Variants in MAGI2 observed in about 807,000 individuals in gnomAD.
The protein encoded by MAGI2 is membrane associated guanylate kinase, WW and PDZ domain containing 2.
A neutral mutation model predicts 133.3 loss-of-function variants in MAGI2; 35 were observed. That is an observed-to-expected ratio of 0.26 (90% CI 0.20 to 0.35). The LOEUF is 0.35. MAGI2 is among the 10% of genes least tolerant of loss of function. MAGI2 has a pLI of 1.00. For missense variants in MAGI2, 1,636 were observed against 1,863.4 expected (o/e 0.88, Z 2.25); for synonymous variants, 729 against 710.6 (o/e 1.03, Z -0.41).
chr7:78,710,150 G>C (rs958165193), intron 2 of MAGI2, among the ~76,000 whole-genome samples: 3 of 152,040 alleles, frequency 2.0e-5, no homozygotes, highest in African/African-American at 7.2e-5. Context: ...CACATACTAA[G>C]TACATATTAC....
At chr7:78,466,332 C>T (rs1158612194) in intron 6 of MAGI2, among the ~76,000 whole-genome samples, 1 of 152,166 alleles carries the variant, frequency 6.6e-6, no homozygotes, top group Non-Finnish European at 1.5e-5. Context: ...GTGTCCCATT[C>T]CACTTTGCAC....
At chr7:78,932,261 T>C (rs928607245) in intron 2 of MAGI2, among the ~76,000 whole-genome samples, 3 of 152,090 alleles carry the variant, frequency 2.0e-5, no homozygotes, top group Non-Finnish European at 4.4e-5. Context: ...GGTGTAAAGA[T>C]ATTGTTGATA....
At chr7:78,633,529 C>T (rs904879671) in intron 2 of MAGI2, among the ~76,000 whole-genome samples, 3 of 151,828 alleles carry the variant, frequency 2.0e-5, no homozygotes, top group African/African-American at 7.3e-5. Flanking sequence ...CACGGTGAAA[C>T]CCCGTCTCTA....
intron 20 of MAGI2, among the ~76,000 whole-genome samples, chr7:78,081,444 A>T (rs961412714): frequency 6.6e-6 from 1 of 152,226 alleles, no homozygotes; most frequent in African/African-American, 2.4e-5. Context: ...TGACAGAGGC[A>T]TTCACAAAGT....
At chr7:79,427,728 A>G (rs138329488) in intron 1 of MAGI2, among the ~76,000 whole-genome samples, 3 of 152,290 alleles carry the variant, frequency 2.0e-5, no homozygotes, top group African/African-American at 4.8e-5. Context: ...GTCAGGCTAA[A>G]TATTTAGAGG....
chr7:78,569,991 TAC>T (rs1211030546), intron 3 of MAGI2, among the ~76,000 whole-genome samples: 1 of 152,252 alleles, frequency 6.6e-6, no homozygotes, highest in Non-Finnish European at 1.5e-5. Context: ...TTCTCATTGC[TAC>T]AGAGTATTCT....
chr7:78,133,075 C>G lies in MAGI2; in HGVS notation c.3032-15G>C. ...GCTGTTGAGCTCTGCGATGGAGAACCAAAGCGGCAGATGCAGTCAGGTTAG... is the reference window on the plus strand; with the variant it reads ...GCTGTTGAGCTCTGCGATGGAGAACGAAAGCGGCAGATGCAGTCAGGTTAG... On this transcript the variant is annotated splice_polypyrimidine_tract_variant and intron_variant, in intron 17 of 21. Transcript: ENST00000354212. 3.3e-6 allele frequency: 5 copies of G among 1,527,398 alleles called. No individual in the cohort carries two copies. Among genetic ancestry groups the G allele is most frequent in the Middle Eastern group, 1.8e-4 (1 of 5,656 alleles). 94.6% of individuals were successfully genotyped at this position (1,527,398 alleles called of 1,614,324 possible). A position where few individuals can be genotyped will look rare whatever the true frequency, so the allele number is the denominator to read the frequency against.
At chr7:78,761,466 A>AT (rs763019901) in intron 2 of MAGI2, among the ~76,000 whole-genome samples, 14,909 of 138,294 alleles carry the variant, frequency 0.11, 916 homozygotes, top group East Asian at 0.24. Context: ...GTAGATTCTG[A>AT]TTTTTTTTTT....
intron 1 of MAGI2, among the ~76,000 whole-genome samples, chr7:79,265,321 G>GAGGAC (rs767692114): frequency 1.3e-5 from 2 of 152,142 alleles, no homozygotes; most frequent in African/African-American, 2.4e-5. Context: ...ATGAAAGTTT[G>GAGGAC]AGGACGACTG....
At chr7:79,421,040 A>C (rs375125800) in intron 1 of MAGI2, among the ~76,000 whole-genome samples, 1 of 152,058 alleles carries the variant, frequency 6.6e-6, no homozygotes, top group Non-Finnish European at 1.5e-5. Context: ...ATAAAATTAA[A>C]ACAAAGAACA....
chr7:78,929,085 G>A (rs183380009), intron 2 of MAGI2, among the ~76,000 whole-genome samples: 1 of 152,100 alleles, frequency 6.6e-6, no homozygotes, highest in East Asian at 1.9e-4. Flanking sequence ...GAATTTAATG[G>A]AATAGAATAG....
At chr7:79,032,781 G>A (rs996350548) in intron 1 of MAGI2, among the ~76,000 whole-genome samples, 2 of 151,604 alleles carry the variant, frequency 1.3e-5, no homozygotes, top group African/African-American at 2.4e-5. Context: ...GGACAAGAAT[G>A]TAGGAATTTC....
intron 1 of MAGI2, among the ~76,000 whole-genome samples, chr7:79,119,241 T>A (rs1223871020): frequency 6.6e-6 from 1 of 152,178 alleles, no homozygotes. Flanking sequence ...GTTCATAACC[T>A]GAATTTATTA....
At chr7:78,612,832 G>A (rs903040014) in intron 3 of MAGI2, among the ~76,000 whole-genome samples, 11 of 149,700 alleles carry the variant, frequency 7.3e-5, no homozygotes, top group African/African-American at 2.5e-4. Flanking sequence ...ACCACGCCCG[G>A]CTAATTTTTT....
At chr7:78,892,533 T>G (rs1294607285) in intron 2 of MAGI2, among the ~76,000 whole-genome samples, 1 of 152,112 alleles carries the variant, frequency 6.6e-6, no homozygotes, top group Non-Finnish European at 1.5e-5. Flanking sequence ...AAAACAGAGA[T>G]ATAGATCAAT....
intron 2 of MAGI2, among the ~76,000 whole-genome samples, chr7:78,743,776 T>C (rs79904511): frequency 0.012 from 1,861 of 152,300 alleles, 47 homozygotes; most frequent in African/African-American, 0.043. Context: ...TGAAAGACAA[T>C]GTGAAGGAAA....
chr7:78,901,285 A>C (rs890524225), intron 2 of MAGI2: 1 of 152,184 alleles, frequency 6.6e-6, no homozygotes, highest in Non-Finnish European at 1.5e-5. Context: ...TTATTTAACA[A>C]TTTTCTTTTT....
intron 1 of MAGI2, among the ~76,000 whole-genome samples, chr7:79,129,982 T>A (rs1359397326): frequency 6.6e-6 from 1 of 152,058 alleles, no homozygotes; most frequent in Non-Finnish European, 1.5e-5. Context: ...AGTCTCACGG[T>A]TATTTATTTT....
chr7:79,035,498 A>C (rs11976704), intron 1 of MAGI2, among the ~76,000 whole-genome samples: 292 of 152,270 alleles, frequency 1.9e-3, no homozygotes, highest in African/African-American at 6.5e-3. Context: ...TACCTCTTTA[A>C]AAAACCCTCA....
Sources: gnomAD v4.1 joint callset for allele counts (sites outside exome capture counted in the v4.1 genomes callset) on GRCh38, gnomAD v4.1.1 for gene constraint, MANE v1.5 for transcripts, NCBI Gene and HGNC (gene_info 2026-07-23, HGNC 2026-07-21) for gene names.